TCF20: variants seen among roughly 807,000 people sequenced by gnomAD.
TCF20 encodes transcription factor 20.
TCF20 carries 3 observed loss-of-function variants against 148.6 expected under a neutral mutation model. That is an observed-to-expected ratio of 0.02 (90% CI 0.01 to 0.05). The LOEUF (loss-of-function observed/expected upper bound fraction) is 0.05. TCF20 is among the 10% of genes least tolerant of loss of function. The pLI is 1.00. For synonymous variants in TCF20, 1,049 were observed against 909.5 expected, an observed-to-expected ratio of 1.15 and a Z score of -2.76; for missense variants, 2,350 against 2,429.3, an observed-to-expected ratio of 0.97 and a Z score of 0.69.
intron 3 of TCF20, among the ~76,000 whole-genome samples, chr22:42,177,440 A>T (rs1024387212): frequency 6.6e-6 from 1 of 152,124 alleles, no homozygotes; most frequent in Admixed American, 6.6e-5. Context: ...AAAACTTAAT[A>T]AACTTGAAAT....
chr22:42,322,893 G>GT (rs59623451), intron 1 of TCF20, among the ~76,000 whole-genome samples: 56,514 of 147,288 alleles, frequency 0.38, 12,218 homozygotes, highest in East Asian at 0.57. Flanking sequence ...TCATTTTCTG[G>GT]TTTTTTTTTT....
At chr22:42,284,111 C>G (rs1023114486), upstream of TCF20, among the ~76,000 whole-genome samples, 1 of 150,824 alleles carries the variant, frequency 6.6e-6, no homozygotes, top group Admixed American at 6.6e-5. Flanking sequence ...GGAGGAGCAG[C>G]GGGGAGGAGG....
intron 1 of TCF20, among the ~76,000 whole-genome samples, chr22:42,261,680 G>C (rs1014836114): frequency 3.3e-5 from 5 of 152,254 alleles, no homozygotes; most frequent in Admixed American, 2.0e-4. Flanking sequence ...GCTTGCCAGA[G>C]TGCTATGGAT....
intron 1 of TCF20, among the ~76,000 whole-genome samples, chr22:42,329,516 C>T (rs1044352805): frequency 6.6e-6 from 1 of 152,234 alleles, no homozygotes; most frequent in African/African-American, 2.4e-5. Context: ...GCCATGAATG[C>T]CGAGCCAGAA....
exon 1 of TCF20, among the ~76,000 whole-genome samples, chr22:42,283,880 C>T (rs1206936485): frequency 6.6e-6 from 1 of 152,156 alleles, no homozygotes; most frequent in East Asian, 1.9e-4. Flanking sequence ...GCCAGCCCGG[C>T]GACCACGGGG....
chr22:42,341,076 A>C (rs552905339), intron 1 of TCF20, among the ~76,000 whole-genome samples: 125 of 152,264 alleles, frequency 8.2e-4, no homozygotes, highest in Non-Finnish European at 1.5e-3. Flanking sequence ...TGCCAGGAGC[A>C]GAGGCCGGAG....
At chr22:42,184,184 C>T (rs895623701) in intron 2 of TCF20, among the ~76,000 whole-genome samples, 7 of 152,060 alleles carry the variant, frequency 4.6e-5, no homozygotes, top group African/African-American at 1.4e-4. Context: ...GGTCTGTCTT[C>T]GACATCTGTT....
At chr22:42,233,939 A>C (rs912086301) in intron 1 of TCF20, among the ~76,000 whole-genome samples, 1 of 152,226 alleles carries the variant, frequency 6.6e-6, no homozygotes, top group Non-Finnish European at 1.5e-5. Flanking sequence ...GTAAGCAATG[A>C]GAATAAAAAG....
At chr22:42,187,053 G>C (rs1481919351) in intron 2 of TCF20, among the ~76,000 whole-genome samples, 1 of 152,140 alleles carries the variant, frequency 6.6e-6, no homozygotes, top group East Asian at 1.9e-4. Context: ...GCCTGCATCA[G>C]AGTCACCTGC....
chr22:42,194,695 G>T (rs1378159866), intron 2 of TCF20, among the ~76,000 whole-genome samples: 1 of 152,146 alleles, frequency 6.6e-6, no homozygotes, highest in Non-Finnish European at 1.5e-5. Flanking sequence ...TTGGTGGACT[G>T]TGAGTTTCAC....
chr22:42,248,879 G>C (rs1925133759), intron 1 of TCF20, among the ~76,000 whole-genome samples: 1 of 152,204 alleles, frequency 6.6e-6, no homozygotes, highest in Non-Finnish European at 1.5e-5. Context: ...GCCGAGGATA[G>C]ATTTGTGGAC....
At chr22:42,282,054 G>A (rs1926913731) in intron 1 of TCF20, among the ~76,000 whole-genome samples, 1 of 152,232 alleles carries the variant, frequency 6.6e-6, no homozygotes. Context: ...AAGGCTTCCT[G>A]GAGGAAGTGA....
At chr22:42,188,068 C>T (rs986885551) in intron 2 of TCF20, among the ~76,000 whole-genome samples, 8 of 151,750 alleles carry the variant, frequency 5.3e-5, no homozygotes, top group African/African-American at 1.2e-4. Flanking sequence ...CCGAGGCAGG[C>T]GGATCACCTG....
intron 2 of TCF20, among the ~76,000 whole-genome samples, chr22:42,209,032 C>A (rs1036558761): frequency 6.6e-6 from 1 of 152,210 alleles, no homozygotes. Context: ...AACTGCAGCA[C>A]TGGAAGCTAG....
intron 1 of TCF20, among the ~76,000 whole-genome samples, chr22:42,232,298 T>G (rs1343221090): frequency 6.6e-6 from 1 of 151,984 alleles, no homozygotes; most frequent in Non-Finnish European, 1.5e-5. Context: ...CCAGGCTAGG[T>G]GTGTGTAAGT....
At chr22:42,191,908 C>T (rs1452860137) in intron 2 of TCF20, among the ~76,000 whole-genome samples, 1 of 152,184 alleles carries the variant, frequency 6.6e-6, no homozygotes, top group African/African-American at 2.4e-5. Flanking sequence ...AAGAGAAGAG[C>T]TTTTTCTCAA....
Position 42,212,355 on chromosome 22 carries a change from C to G in TCF20, c.2951G>C (p.Arg984Thr). Residue 984 changes from arginine (R) to threonine (T), a missense_variant, in exon 2 of 6, where the codon AGA (arginine) becomes ACA (threonine). Around this residue, in one of 7 missense-constraint regions of TCF20, gnomAD observed 1,641 missense variants for 1,662.6 expected, o/e 0.99. Coordinates refer to ENST00000677622, the MANE Select transcript of TCF20 (RefSeq NM_001378418.1). ...SLSDYGPQDS[R>T]PTPMRRVPGR... ...AGGGACCCGCCGCATTGGCGTGGGT[C>G]TGCTGTCTTGCGGGCCATAGTCTGA... 6.2e-7 allele frequency: 1 copy of G among 1,614,256 alleles called. No individual in the cohort carries two copies. The highest frequency in any genetic ancestry group is 1.6e-4 in the Middle Eastern group (1 of 6,062).
intron 1 of TCF20, among the ~76,000 whole-genome samples, chr22:42,260,039 T>C (rs923016515): frequency 2.6e-5 from 4 of 152,208 alleles, no homozygotes; most frequent in Admixed American, 2.6e-4. Flanking sequence ...GGCAGGGTGA[T>C]GTAATGGGGC....
intron 1 of TCF20, among the ~76,000 whole-genome samples, chr22:42,238,367 G>C (rs1290751240): frequency 6.6e-6 from 1 of 152,206 alleles, no homozygotes; most frequent in Non-Finnish European, 1.5e-5. Context: ...GCGGCTGGTT[G>C]ATTTTCCATC....
Sources: gnomAD v4.1 joint callset for allele counts (sites outside exome capture counted in the v4.1 genomes callset) on GRCh38, gnomAD v4.1.1 for gene constraint, gnomAD v4.1.1 regional missense constraint, MANE v1.5 for transcripts, NCBI Gene and HGNC (gene_info 2026-07-23, HGNC 2026-07-21) for gene names.